ST6GALNAC5: variants seen among roughly 807,000 people sequenced by gnomAD.
ST6GALNAC5 encodes the protein alpha-N-acetylgalactosaminide alpha-2,6-sialyltransferase 5.
In ST6GALNAC5, 27 loss-of-function variants were observed where a neutral mutation model predicts 33.6. The ratio of observed to expected loss-of-function variants is 0.80; its 90% CI spans 0.59 to 1.11. ST6GALNAC5 has a LOEUF of 1.11. Among genes scored for constraint, ST6GALNAC5 ranks in the 50% least tolerant of loss-of-function variants. ST6GALNAC5 has a pLI of 0.00. For missense variants in ST6GALNAC5, 428 were observed against 454.0 expected, an observed-to-expected ratio of 0.94 and a Z score of 0.52; for synonymous variants, 194 against 171.2, an observed-to-expected ratio of 1.13 and a Z score of -1.04.
At chr1:76,986,322 AAAAC>A (rs1402606196) in intron 2 of ST6GALNAC5, among the ~76,000 whole-genome samples, 9 of 152,224 alleles carry the variant, frequency 5.9e-5, no homozygotes, top group African/African-American at 1.9e-4. Flanking sequence ...TTACAAGAAG[AAAAC>A]AAACAACCCC....
At chr1:77,053,122 C>A (rs1652283249) in intron 4 of ST6GALNAC5, among the ~76,000 whole-genome samples, 2 of 152,080 alleles carry the variant, frequency 1.3e-5, no homozygotes, top group Admixed American at 6.5e-5. Flanking sequence ...TTCCTCACCA[C>A]CAGAGAATGA....
chr1:76,954,299 G>C (rs980624261), intron 2 of ST6GALNAC5, among the ~76,000 whole-genome samples: 1 of 152,094 alleles, frequency 6.6e-6, no homozygotes, highest in African/African-American at 2.4e-5. Context: ...AACACTTCAT[G>C]TCCTCACTTA....
At chr1:76,987,339 T>A (rs1348208130) in intron 2 of ST6GALNAC5, among the ~76,000 whole-genome samples, 1 of 152,090 alleles carries the variant, frequency 6.6e-6, no homozygotes, top group Non-Finnish European at 1.5e-5. Context: ...CACGAGAAGA[T>A]TTTCAGCGTC....
intron 2 of ST6GALNAC5, among the ~76,000 whole-genome samples, chr1:76,947,122 A>AT (rs1647548255): frequency 1.3e-5 from 2 of 152,028 alleles, no homozygotes; most frequent in African/African-American, 2.4e-5. Context: ...GAATTCATAC[A>AT]TTTTTTTCTT....
chr1:76,876,934 C>T (rs1464842226), intron 2 of ST6GALNAC5, among the ~76,000 whole-genome samples: 3 of 152,218 alleles, frequency 2.0e-5, no homozygotes, highest in Admixed American at 2.0e-4. Flanking sequence ...AGACCATGGG[C>T]ATTTGAGCCA....
chr1:76,900,727 T>C (rs958282365), intron 2 of ST6GALNAC5, among the ~76,000 whole-genome samples: 3 of 152,204 alleles, frequency 2.0e-5, no homozygotes, highest in African/African-American at 7.2e-5. Flanking sequence ...TTTTTACATG[T>C]TGCAAAGAAG....
intron 2 of ST6GALNAC5, among the ~76,000 whole-genome samples, chr1:76,949,731 G>A (rs933551716): frequency 2.0e-5 from 3 of 152,112 alleles, no homozygotes; most frequent in Admixed American, 6.6e-5. Flanking sequence ...CCCTCCCACA[G>A]TGACTCACCA....
At chr1:77,004,138 G>A (rs1486772007) in intron 2 of ST6GALNAC5, among the ~76,000 whole-genome samples, 5 of 151,744 alleles carry the variant, frequency 3.3e-5, no homozygotes, top group South Asian at 4.2e-4. Context: ...CCAATCAGAC[G>A]TAGATTTGGT....
At chr1:77,004,103 A>G (rs1650287414) in intron 2 of ST6GALNAC5, among the ~76,000 whole-genome samples, 1 of 150,286 alleles carries the variant, frequency 6.7e-6, no homozygotes, top group African/African-American at 2.4e-5. Context: ...ACTTGGTTCC[A>G]TTCTCCCCAT....
chr1:76,999,475 G>A (rs925130080), intron 2 of ST6GALNAC5, among the ~76,000 whole-genome samples: 33 of 150,710 alleles, frequency 2.2e-4, no homozygotes, highest in African/African-American at 7.1e-4. Flanking sequence ...AAATGTGCAG[G>A]TTTGGGTTTG....
At chr1:76,939,124 C>T (rs78816623) in intron 2 of ST6GALNAC5, among the ~76,000 whole-genome samples, 2,118 of 152,078 alleles carry the variant, frequency 0.014, 49 homozygotes, top group African/African-American at 0.048. Flanking sequence ...ATCTCAGGGA[C>T]ACTGTCAACT....
At chr1:77,046,629 A>C (rs937660321) in intron 3 of ST6GALNAC5, among the ~76,000 whole-genome samples, 2 of 152,252 alleles carry the variant, frequency 1.3e-5, no homozygotes, top group African/African-American at 2.4e-5. Flanking sequence ...TGCAACTCAC[A>C]GATAAGAGAG....
At chr1:76,978,171 T>C (rs573789994) in intron 2 of ST6GALNAC5, among the ~76,000 whole-genome samples, 2 of 152,288 alleles carry the variant, frequency 1.3e-5, no homozygotes, top group South Asian at 4.1e-4. Flanking sequence ...ATTAATCACA[T>C]TGTTTGTTAT....
chr1:76,986,575 T>G (rs1392216339), intron 2 of ST6GALNAC5, among the ~76,000 whole-genome samples: 1 of 152,210 alleles, frequency 6.6e-6, no homozygotes, highest in Admixed American at 6.5e-5. Context: ...GAGTGTAAAT[T>G]AGTTCAACCA....
chr1:77,055,648 T>C (rs1652366174), intron 4 of ST6GALNAC5, among the ~76,000 whole-genome samples: 1 of 152,180 alleles, frequency 6.6e-6, no homozygotes, highest in African/African-American at 2.4e-5. Context: ...TTGTTTCAGA[T>C]ACAGTGGCCC....
intron 2 of ST6GALNAC5, among the ~76,000 whole-genome samples, chr1:76,976,617 A>C (rs1025656758): frequency 6.6e-6 from 1 of 152,190 alleles, no homozygotes; most frequent in Non-Finnish European, 1.5e-5. Flanking sequence ...TTGCAATACT[A>C]TGGGTCACAT....
chr1:76,929,636 G>T (rs1425644022), intron 2 of ST6GALNAC5, among the ~76,000 whole-genome samples: 1 of 152,144 alleles, frequency 6.6e-6, no homozygotes, highest in Non-Finnish European at 1.5e-5. Flanking sequence ...TACGATAGCT[G>T]CTAGCCACAT....
intron 2 of ST6GALNAC5, among the ~76,000 whole-genome samples, chr1:76,895,688 G>A (rs931638090): frequency 6.6e-6 from 1 of 152,186 alleles, no homozygotes; most frequent in Non-Finnish European, 1.5e-5. Flanking sequence ...TGATGGCTTG[G>A]AGAAACAGTG....
At chr1:76,948,482 C>A (rs1187005154) in intron 2 of ST6GALNAC5, among the ~76,000 whole-genome samples, 1 of 151,778 alleles carries the variant, frequency 6.6e-6, no homozygotes, top group Non-Finnish European at 1.5e-5. Flanking sequence ...AATGACAGCA[C>A]TAGCTCTCAT....
Sources: gnomAD v4.1 joint callset for allele counts (sites outside exome capture counted in the v4.1 genomes callset) on GRCh38, gnomAD v4.1.1 for gene constraint, MANE v1.5 for transcripts, NCBI Gene and HGNC (gene_info 2026-07-23, HGNC 2026-07-21) for gene names.